Variants in HDAC9 observed in about 807,000 individuals in gnomAD.
The protein encoded by HDAC9 is MEF-2 interacting transcription repressor (MITR) protein.
A neutral mutation model predicts 139.4 loss-of-function variants in HDAC9; 41 were observed. That is an observed-to-expected ratio of 0.29 (90% confidence interval 0.23 to 0.38). HDAC9 has a LOEUF of 0.38. Ranked by LOEUF, HDAC9 falls within the 10% of genes least tolerant of loss-of-function variation. The pLI is 1.00. For synonymous variants in HDAC9, 517 were observed against 476.2 expected, an observed-to-expected ratio of 1.09 and a Z score of -1.12; for missense variants, 1,147 against 1,297.0, an observed-to-expected ratio of 0.88 and a Z score of 1.78.
At chr7:18,576,315 C>T (rs1475913593) in intron 2 of HDAC9, among the ~76,000 whole-genome samples, 1 of 152,106 alleles carries the variant, frequency 6.6e-6, no homozygotes, top group Admixed American at 6.6e-5. Flanking sequence ...AACAGAAGTG[C>T]TTTAATAAAA....
At chr7:18,855,238 A>T (rs1305105191) in intron 21 of HDAC9, among the ~76,000 whole-genome samples, 1 of 152,102 alleles carries the variant, frequency 6.6e-6, no homozygotes, top group Non-Finnish European at 1.5e-5. Flanking sequence ...CGTGCAGCAG[A>T]CATTTTCCAA....
chr7:18,668,438 T>A (rs1199715520), intron 12 of HDAC9: 1 of 948,820 alleles, frequency 1.1e-6, no homozygotes, highest in African/African-American at 1.8e-5. Context: ...AAAAAAGGGA[T>A]AGTGCATCTT....
intron 1 of HDAC9, among the ~76,000 whole-genome samples, chr7:18,410,832 A>G (rs567517314): frequency 6.6e-6 from 1 of 152,336 alleles, no homozygotes; most frequent in South Asian, 2.1e-4. Flanking sequence ...ATGTACTCCA[A>G]ATGATATTCT....
At chr7:18,496,443 A>C in intron 2 of HDAC9, 119 bp downstream of exon 2, 1 of 834,094 alleles carries the variant, frequency 1.2e-6, no homozygotes, top group Non-Finnish European at 2.0e-6. Flanking sequence ...TGATGTTGCT[A>C]TTTTCTTGGT....
intron 22 of HDAC9, among the ~76,000 whole-genome samples, chr7:18,878,500 A>G (rs1799490082): frequency 6.6e-6 from 1 of 152,150 alleles, no homozygotes; most frequent in South Asian, 2.1e-4. Context: ...TACAAGGGTT[A>G]TTTTGACAAG....
chr7:18,628,691 C>T (rs1781430505), intron 6 of HDAC9, among the ~76,000 whole-genome samples: 1 of 152,132 alleles, frequency 6.6e-6, no homozygotes, highest in Non-Finnish European at 1.5e-5. Context: ...TAACCTAACT[C>T]AGAACCTTCA....
At chr7:18,312,688 C>T (rs1327835958) in intron 1 of HDAC9, among the ~76,000 whole-genome samples, 1 of 152,098 alleles carries the variant, frequency 6.6e-6, no homozygotes, top group East Asian at 1.9e-4. Flanking sequence ...TGATAAAGAT[C>T]AAATTGTTGA....
At chr7:18,772,506 A>G (rs1482332547) in intron 16 of HDAC9, among the ~76,000 whole-genome samples, 4 of 152,042 alleles carry the variant, frequency 2.6e-5, no homozygotes, top group African/African-American at 9.7e-5. Flanking sequence ...TGCTTCTCAC[A>G]TGCAGTAATC....
At chr7:18,830,319 G>A (rs1562970751) in intron 19 of HDAC9, among the ~76,000 whole-genome samples, 1 of 152,166 alleles carries the variant, frequency 6.6e-6, no homozygotes, top group African/African-American at 2.4e-5. Flanking sequence ...CAGTTCTCAA[G>A]GAGGTGTAAT....
intron 1 of HDAC9, chr7:18,458,876 C>A: frequency 6.5e-7 from 1 of 1,534,752 alleles, no homozygotes; most frequent in Non-Finnish European, 8.7e-7. Context: ...GGGTGCTATT[C>A]TGTGGCTGCT....
chr7:18,278,200 G>A (rs2128218443), intron 2 of HDAC9, among the ~76,000 whole-genome samples: 1 of 152,262 alleles, frequency 6.6e-6, no homozygotes, highest in African/African-American at 2.4e-5. Flanking sequence ...CAGGAAATTG[G>A]CCTTTTATAT....
intron 2 of HDAC9, among the ~76,000 whole-genome samples, chr7:18,246,295 T>C (rs987605811): frequency 6.6e-6 from 1 of 151,240 alleles, no homozygotes; most frequent in African/African-American, 2.4e-5. Context: ...AAGAGCACTC[T>C]CTGGGCAGAG....
rs374974366 is a variant in HDAC9 at position 18,585,291 on chromosome 7, G to A, written c.33G>A (p.Lys11=). 1.4e-5 allele frequency: 22 copies of A among 1,608,062 alleles called. No individual in the cohort carries two copies. The highest frequency in any genetic ancestry group is 3.3e-5 in the Admixed American group (2 of 59,770). MHSMISSVDV[K]SEVPVGLEPI... ...TTTCTGGTTCTTTAGTGGATGTGAA[G>A]TCAGAAGTTCCTGTGGGCCTGGAGC... The change falls in exon 3 of 26, where the codon AAG becomes AAA. Residue 11 remains lysine, a synonymous_variant. Transcript: ENST00000686413.
At chr7:18,726,494 G>C (rs193028331) in intron 12 of HDAC9, among the ~76,000 whole-genome samples, 10 of 152,084 alleles carry the variant, frequency 6.6e-5, no homozygotes, top group African/African-American at 2.4e-4. Flanking sequence ...AGAATTAGAC[G>C]TTTAAAAATA....
At chr7:18,384,405 G>A (rs140516703) in intron 1 of HDAC9, among the ~76,000 whole-genome samples, 47 of 152,210 alleles carry the variant, frequency 3.1e-4, no homozygotes, top group African/African-American at 1.1e-3. Flanking sequence ...TTTAAAGATT[G>A]AGATATTACA....
At chr7:18,896,688 A>C (rs1321995625) in intron 22 of HDAC9, among the ~76,000 whole-genome samples, 6 of 152,112 alleles carry the variant, frequency 3.9e-5, no homozygotes, top group Admixed American at 3.9e-4. Flanking sequence ...ACAATGTGTT[A>C]TAAGATTTTA....
Position 18,588,793 on chromosome 7 carries a change from G to A in HDAC9, c.265-1543G>A, listed in dbSNP as rs535868920. Among the ~76,000 whole-genome samples the A allele has an allele frequency of 1.8e-4, 27 of 152,244 alleles. 1 individual carries two copies. The highest frequency in any genetic ancestry group is 1.8e-3 in the Admixed American group (27 of 15,288). On this transcript the variant is annotated intron_variant, in intron 3 of 25. Coordinates refer to ENST00000686413, the MANE Select transcript of HDAC9 (RefSeq NM_178425.4). ...GAAGGGTCTTTTTTCCCATGGTGAA[G>A]CTGACTAAACTTTGTGCTGTGTGCC...
intron 22 of HDAC9, among the ~76,000 whole-genome samples, chr7:18,932,667 A>C (rs1804849209): frequency 6.6e-6 from 1 of 152,132 alleles, no homozygotes; most frequent in African/African-American, 2.4e-5. Flanking sequence ...TTTGGAAGAG[A>C]ATAAATAGGA....
chr7:18,936,051 C>T (rs1585351396), intron 23 of HDAC9, 109 bp downstream of exon 23: 1 of 1,026,046 alleles, frequency 9.7e-7, no homozygotes, highest in Non-Finnish European at 1.4e-6. Flanking sequence ...TAACATTGCT[C>T]TTACCATTAA....
Sources: gnomAD v4.1 joint callset for allele counts (sites outside exome capture counted in the v4.1 genomes callset) on GRCh38, gnomAD v4.1.1 for gene constraint, MANE v1.5 for transcripts, NCBI Gene and HGNC (gene_info 2026-07-23, HGNC 2026-07-21) for gene names.